Variants in SAMD12 observed in about 807,000 individuals in gnomAD.
SAMD12 encodes sterile alpha motif domain-containing protein 12.
In SAMD12, 9 loss-of-function variants were observed where a neutral mutation model predicts 15.0. The observed-to-expected ratio is 0.60, with a 90% confidence interval of 0.36 to 1.05. SAMD12 has a LOEUF of 1.05. SAMD12 is among the 50% of genes least tolerant of loss of function. SAMD12 has a pLI of 0.01. For synonymous variants in SAMD12, 86 were observed against 90.1 expected (o/e 0.96, Z 0.25); for missense variants, 230 against 234.2 (o/e 0.98, Z 0.12).
At chr8:118,612,947 G>C (rs1301211226) in intron 1 of SAMD12, among the ~76,000 whole-genome samples, 1 of 152,186 alleles carries the variant, frequency 6.6e-6, no homozygotes, top group Non-Finnish European at 1.5e-5. Context: ...AAAGAAACAG[G>C]ACTCAAATGG....
At chr8:118,136,587 G>A in the SAMD12 span, among the ~76,000 whole-genome samples, 2 of 152,192 alleles carry the variant, frequency 1.3e-5, no homozygotes, top group African/African-American at 2.4e-5. Context: ...AATCAAGTAT[G>A]GGCTGGGTTT....
At chr8:118,252,046 C>T (rs903798904) in intron 4 of SAMD12, among the ~76,000 whole-genome samples, 5 of 152,086 alleles carry the variant, frequency 3.3e-5, no homozygotes, top group South Asian at 2.1e-4. Context: ...GCCTGGGTGC[C>T]GCAGAGGGCA....
At chr8:118,215,961 G>A (rs13282224) in intron 4 of SAMD12, among the ~76,000 whole-genome samples, 69,881 of 142,752 alleles carry the variant, frequency 0.49, 16,992 homozygotes, top group Middle Eastern at 0.59. Flanking sequence ...ATGATTTATA[G>A]TCCTTTGGGT....
At chr8:118,276,131 C>A (rs775530617) in intron 4 of SAMD12, among the ~76,000 whole-genome samples, 1 of 152,216 alleles carries the variant, frequency 6.6e-6, no homozygotes, top group East Asian at 1.9e-4. Flanking sequence ...AATAACTACA[C>A]TCCAGTTGTT....
intron 2 of SAMD12, among the ~76,000 whole-genome samples, chr8:118,568,686 T>G (rs1027571632): frequency 6.6e-5 from 10 of 152,170 alleles, no homozygotes; most frequent in Admixed American, 4.6e-4. Flanking sequence ...ATCATGACCA[T>G]CAGCAAGATG....
chr8:118,435,997 C>T (rs547615179), intron 3 of SAMD12, among the ~76,000 whole-genome samples: 12 of 152,202 alleles, frequency 7.9e-5, no homozygotes, highest in Non-Finnish European at 1.2e-4. Flanking sequence ...ACAGAAGTTA[C>T]ATGTCAATGG....
intron 2 of SAMD12, among the ~76,000 whole-genome samples, chr8:118,577,858 C>T (rs572685754): frequency 2.6e-5 from 4 of 152,166 alleles, no homozygotes; most frequent in South Asian, 2.1e-4. Context: ...ACCCTAAAAG[C>T]GTAATACTAA....
intron 2 of SAMD12, among the ~76,000 whole-genome samples, chr8:118,531,457 C>T (rs902969574): frequency 6.6e-6 from 1 of 152,056 alleles, no homozygotes; most frequent in Admixed American, 6.6e-5. Flanking sequence ...TTTTCCAATT[C>T]TGTGAAGAAA....
intron 2 of SAMD12, among the ~76,000 whole-genome samples, chr8:118,452,368 T>G (rs1047373884): frequency 6.6e-6 from 1 of 152,138 alleles, no homozygotes; most frequent in Non-Finnish European, 1.5e-5. Flanking sequence ...ACCAACATAG[T>G]GAGAAGGGGA....
Position 118,477,702 on chromosome 8 carries a change from C to T in SAMD12, c.193-37741G>A, listed in dbSNP as rs75411431. Among the ~76,000 whole-genome samples the T allele has an allele frequency of 8.7e-3, 1,316 of 152,122 alleles. 23 individuals are homozygous for T. Among genetic ancestry groups the T allele is most frequent in the African/African-American group, 0.03 (1,261 of 41,508 alleles). On this transcript the variant is annotated intron_variant, in intron 2 of 3. Coordinates refer to ENST00000314727, the MANE Select transcript of SAMD12 (RefSeq NM_207506.3). ...TCCCACGTGGATTCTACAATACTGG[C>T]TGTGGGGACCGAAAATTCTGACAGG...
At chr8:118,376,744 C>CA (rs1474194145), downstream of SAMD12, among the ~76,000 whole-genome samples, 1 of 151,650 alleles carries the variant, frequency 6.6e-6, no homozygotes, top group Non-Finnish European at 1.5e-5. Flanking sequence ...CAAGGATTTC[C>CA]AAAAACATTC....
chr8:118,474,506 G>A (rs1004562414), intron 2 of SAMD12, among the ~76,000 whole-genome samples: 1 of 151,694 alleles, frequency 6.6e-6, no homozygotes, highest in Non-Finnish European at 1.5e-5. Context: ...TCAGCCTCCC[G>A]AGTAGCTGGG....
chr8:118,385,969 A>G (rs945502275), intron 3 of SAMD12, among the ~76,000 whole-genome samples: 3 of 152,242 alleles, frequency 2.0e-5, no homozygotes, highest in South Asian at 2.1e-4. Flanking sequence ...ACACGAGACT[A>G]AATGAGGCTT....
intron 2 of SAMD12, among the ~76,000 whole-genome samples, chr8:118,467,073 G>A (rs1823615590): frequency 6.6e-6 from 1 of 152,130 alleles, no homozygotes; most frequent in Non-Finnish European, 1.5e-5. Context: ...AGGCAGCTGG[G>A]AACAGAAAAT....
At chr8:118,291,483 G>C (rs1383168195) in intron 4 of SAMD12, 1 of 152,104 alleles carries the variant, frequency 6.6e-6, no homozygotes, top group Non-Finnish European at 1.5e-5. Context: ...CATTGTCCTT[G>C]GGGAATGGAA....
intron 1 of SAMD12, among the ~76,000 whole-genome samples, chr8:118,620,740 G>T (rs556272749): frequency 1.3e-5 from 2 of 152,160 alleles, no homozygotes; most frequent in African/African-American, 2.4e-5. Context: ...TGGCCTTCTC[G>T]TCTCTAGCCT....
intron 4 of SAMD12, among the ~76,000 whole-genome samples, chr8:118,300,810 C>T (rs1462712025): frequency 2.0e-5 from 3 of 152,092 alleles, no homozygotes; most frequent in African/African-American, 2.4e-5. Context: ...TGATAGGTAG[C>T]GCATGTTCAT....
chr8:118,134,163 C>T, the SAMD12 span, among the ~76,000 whole-genome samples: 1 of 152,260 alleles, frequency 6.6e-6, no homozygotes, highest in African/African-American at 2.4e-5. Flanking sequence ...AATGAAAAGG[C>T]AAAATCTTCC....
intron 3 of SAMD12, among the ~76,000 whole-genome samples, chr8:118,437,708 C>A (rs1706657602): frequency 6.6e-6 from 1 of 152,100 alleles, no homozygotes; most frequent in African/African-American, 2.4e-5. Context: ...AGTCTGCCAC[C>A]AAAAGCATAC....
Sources: gnomAD v4.1 joint callset for allele counts (sites outside exome capture counted in the v4.1 genomes callset) on GRCh38, gnomAD v4.1.1 for gene constraint, MANE v1.5 for transcripts, NCBI Gene and HGNC (gene_info 2026-07-23, HGNC 2026-07-21) for gene names.